Variants in KLHL4 observed in about 807,000 individuals in gnomAD.
KLHL4 encodes kelch-like protein 4.
A neutral mutation model predicts 45.8 loss-of-function variants in KLHL4; 17 were observed. That is an observed-to-expected ratio of 0.37 (90% CI 0.25 to 0.56). The LOEUF (loss-of-function observed/expected upper bound fraction) is 0.56, where lower values mean the gene tolerates loss of function less well. KLHL4 is among the 20% of genes least tolerant of loss of function. The pLI is 0.79. For synonymous variants in KLHL4, 224 were observed against 189.9 expected, an observed-to-expected ratio of 1.18 and a Z score of -1.47; for missense variants, 544 against 544.9, an observed-to-expected ratio of 1.00 and a Z score of 0.02.
chrX:87,552,876 G>A (rs186154491), intron 1 of KLHL4, among the ~76,000 whole-genome samples: 8 of 109,597 alleles, frequency 7.3e-5, no homozygotes, highest in African/African-American at 2.3e-4. Context: ...GAATAAATAA[G>A]AATTACTATC....
chrX:87,648,996 A>G (rs2147835024), intron 9 of KLHL4, among the ~76,000 whole-genome samples: 1 of 111,866 alleles, frequency 8.9e-6, no homozygotes, highest in South Asian at 3.7e-4. Flanking sequence ...TAAGCAATAA[A>G]CAATCACCTC....
intron 1 of KLHL4, among the ~76,000 whole-genome samples, chrX:87,590,708 C>A (rs1007353031): frequency 9.0e-6 from 1 of 111,606 alleles, no homozygotes; most frequent in African/African-American, 3.3e-5. Context: ...CAACTGATTT[C>A]GATGAGGGTG....
chrX:87,599,092 AT>A (rs1324924851), intron 1 of KLHL4, among the ~76,000 whole-genome samples: 2 of 109,861 alleles, frequency 1.8e-5, no homozygotes, highest in Non-Finnish European at 3.8e-5. Context: ...TATATATAAT[AT>A]ATAATAATAT....
intron 1 of KLHL4, among the ~76,000 whole-genome samples, chrX:87,573,871 CATA>C (rs1921011416): frequency 9.0e-6 from 1 of 111,606 alleles, no homozygotes; most frequent in African/African-American, 3.2e-5. Context: ...ATAGGTATAA[CATA>C]ATAAGCTAAC....
At chrX:87,656,518 C>T (rs1442577298) in intron 9 of KLHL4, among the ~76,000 whole-genome samples, 2 of 107,921 alleles carry the variant, frequency 1.9e-5, no homozygotes, top group Non-Finnish European at 3.8e-5. Context: ...AATGAATTTT[C>T]CTTTTCAGGA....
intron 9 of KLHL4, among the ~76,000 whole-genome samples, chrX:87,651,113 A>C (rs1923800835): frequency 8.9e-6 from 1 of 112,014 alleles, no homozygotes; most frequent in Non-Finnish European, 1.9e-5. Context: ...CACTTTTCGT[A>C]TGAATTACAG....
At chrX:87,595,406 C>T (rs146655696) in intron 1 of KLHL4, among the ~76,000 whole-genome samples, 220 of 112,119 alleles carry the variant, frequency 2.0e-3, no homozygotes, top group African/African-American at 6.8e-3. Flanking sequence ...TGGAGTGGAA[C>T]TCAAACCAGC....
At chrX:87,521,238 C>G (rs1268718608) in intron 1 of KLHL4, among the ~76,000 whole-genome samples, 1 of 111,972 alleles carries the variant, frequency 8.9e-6, no homozygotes, top group Non-Finnish European at 1.9e-5. Flanking sequence ...TCTTTCTTTA[C>G]TAGAGCCCTT....
intron 9 of KLHL4, among the ~76,000 whole-genome samples, chrX:87,654,448 A>T (rs1923920609): frequency 9.2e-6 from 1 of 108,659 alleles, no homozygotes; most frequent in African/African-American, 3.3e-5. Context: ...TATTTAAAAC[A>T]TGATTTTTTA....
intron 9 of KLHL4, among the ~76,000 whole-genome samples, chrX:87,640,682 G>A (rs1282493460): frequency 9.0e-6 from 1 of 111,230 alleles, no homozygotes; most frequent in Non-Finnish European, 1.9e-5. Context: ...CATAGAAGGG[G>A]CTTACCTTAA....
chrX:87,659,195 CT>C (rs1924101898), intron 9 of KLHL4, among the ~76,000 whole-genome samples: 1 of 95,446 alleles, frequency 1.0e-5, no homozygotes, highest in Non-Finnish European at 2.0e-5. Flanking sequence ...TCTCAGCTCA[CT>C]GCAACCTCCA....
Position 87,517,891 on chromosome X carries a change from A to G in KLHL4, c.-3A>G, listed in dbSNP as rs757715339. 8.4e-7 allele frequency: 1 copy of G among 1,196,719 alleles called. No individual in the cohort carries two copies. Among genetic ancestry groups the G allele is most frequent in the Non-Finnish European group, 1.1e-6 (1 of 887,561 alleles). ...GAAGGCTTTTGTCTTTCCTCCTGCT[A>G]CGATGTCAGTGTCTGGCAAGAAAGA... On this transcript the variant is annotated 5_prime_UTR_variant, in exon 1 of 11. Coordinates refer to ENST00000373119, the MANE Select transcript of KLHL4 (RefSeq NM_019117.5).
At chrX:87,625,291 G>A (rs184401934) in intron 5 of KLHL4, among the ~76,000 whole-genome samples, 2 of 111,505 alleles carry the variant, frequency 1.8e-5, no homozygotes, top group African/African-American at 6.5e-5. Context: ...TCTACATTTC[G>A]GTTTGCTCAA....
chrX:87,602,876 T>A (rs1922064726), intron 1 of KLHL4, among the ~76,000 whole-genome samples: 1 of 112,190 alleles, frequency 8.9e-6, no homozygotes, highest in South Asian at 3.6e-4. Flanking sequence ...TGGGCAGATA[T>A]CTTTTTAGAA....
intron 3 of KLHL4, among the ~76,000 whole-genome samples, chrX:87,616,708 A>G (rs749758825): frequency 3.6e-5 from 4 of 111,614 alleles, no homozygotes; most frequent in Non-Finnish European, 7.5e-5. Flanking sequence ...CTTCCTAATA[A>G]CCAGACCAAA....
chrX:87,558,702 AAT>A (rs1462514099), intron 1 of KLHL4, among the ~76,000 whole-genome samples: 1 of 111,967 alleles, frequency 8.9e-6, no homozygotes, highest in African/African-American at 3.2e-5. Flanking sequence ...CCTTTCATTT[AAT>A]TTCTCATTTG....
chrX:87,603,476 T>TG (rs930047561), intron 1 of KLHL4, among the ~76,000 whole-genome samples: 4 of 111,007 alleles, frequency 3.6e-5, no homozygotes, highest in Non-Finnish European at 7.6e-5. Flanking sequence ...ATTAGGAGAA[T>TG]GGGGGATTTA....
At chrX:87,648,113 T>G (rs1022230158) in intron 9 of KLHL4, among the ~76,000 whole-genome samples, 6 of 111,038 alleles carry the variant, frequency 5.4e-5, no homozygotes, top group African/African-American at 2.0e-4. Flanking sequence ...CTAGTGTGTA[T>G]CTTGGTTAAA....
intron 1 of KLHL4, among the ~76,000 whole-genome samples, chrX:87,577,405 T>G (rs1443230804): frequency 9.0e-6 from 1 of 111,640 alleles, no homozygotes; most frequent in Admixed American, 9.6e-5. Flanking sequence ...ATTTACATTA[T>G]GTGGTAATTC....
Sources: allele counts gnomAD v4.1 joint callset (sites outside exome capture counted in the v4.1 genomes callset), GRCh38; gene constraint gnomAD v4.1.1; transcripts MANE v1.5; gene names NCBI Gene and HGNC (gene_info 2026-07-23, HGNC 2026-07-21).